Variants in RUNDC3B observed in about 807,000 individuals in gnomAD.
RUNDC3B encodes the protein RUN domain-containing protein 3B.
Under a neutral mutation model 58.4 loss-of-function variants are expected in RUNDC3B, and 33 were observed. The observed-to-expected ratio is 0.56, with a 90% CI of 0.43 to 0.75. The LOEUF (loss-of-function observed/expected upper bound fraction) is 0.75, where lower values mean the gene tolerates loss of function less well. RUNDC3B is among the 30% of genes least tolerant of loss of function. The pLI, the probability that RUNDC3B is intolerant of heterozygous loss-of-function variation, is 0.00. For missense variants in RUNDC3B, 501 were observed against 535.7 expected (o/e 0.94, Z 0.64); for synonymous variants, 193 against 195.2 (o/e 0.99, Z 0.10).
At chr7:87,729,524 A>G (rs1420384102) in intron 4 of RUNDC3B, among the ~76,000 whole-genome samples, 1 of 152,168 alleles carries the variant, frequency 6.6e-6, no homozygotes, top group Non-Finnish European at 1.5e-5. Flanking sequence ...GTGCCTACAG[A>G]GGGAGCTTCT....
chr7:87,732,597 T>C (rs574762934), intron 4 of RUNDC3B, among the ~76,000 whole-genome samples: 1 of 152,176 alleles, frequency 6.6e-6, no homozygotes, highest in South Asian at 2.1e-4. Context: ...GATCAGCAGA[T>C]TGAGAAATAA....
chr7:87,651,889 T>C (rs1321106797), intron 2 of RUNDC3B, among the ~76,000 whole-genome samples: 1 of 152,086 alleles, frequency 6.6e-6, no homozygotes, highest in Non-Finnish European at 1.5e-5. Context: ...TAAAACGGGG[T>C]TTGTAAAATT....
Position 87,776,574 on chromosome 7 carries a change from G to T in RUNDC3B, c.799-1224G>T, listed in dbSNP as rs111927054. On this transcript the variant is annotated intron_variant, in intron 7 of 10. Coordinates refer to ENST00000394654, the MANE Select transcript of RUNDC3B (RefSeq NM_001134405.2). ...CTTTGAAGAGGAGCAATCAAGGAAG[G>T]CATTATATTGACTTTTAAAGTATTG... Among the ~76,000 whole-genome samples, 463 of 151,956 alleles carry T rather than the reference G, an allele frequency of 3.0e-3. 3 individuals carry two copies. Among genetic ancestry groups the T allele is most frequent in the African/African-American group, 0.01 (434 of 41,498 alleles).
intron 1 of RUNDC3B, among the ~76,000 whole-genome samples, chr7:87,632,460 T>A (rs1203822622): frequency 6.6e-6 from 1 of 152,198 alleles, no homozygotes; most frequent in Non-Finnish European, 1.5e-5. Flanking sequence ...TTTCATCAGA[T>A]AAGTACTGTT....
At chr7:87,714,088 A>G (rs1278063658) in intron 4 of RUNDC3B, among the ~76,000 whole-genome samples, 2 of 152,238 alleles carry the variant, frequency 1.3e-5, no homozygotes, top group Non-Finnish European at 2.9e-5. Context: ...ATTACAGAAA[A>G]GTAGACAGAA....
chr7:87,668,942 G>A (rs1429204548), intron 2 of RUNDC3B, among the ~76,000 whole-genome samples: 2 of 152,108 alleles, frequency 1.3e-5, no homozygotes, highest in Admixed American at 1.3e-4. Context: ...GGAGAAGAAT[G>A]TATATTCTGG....
At chr7:87,784,241 T>TC (rs1197038612) in intron 8 of RUNDC3B, among the ~76,000 whole-genome samples, 1 of 152,254 alleles carries the variant, frequency 6.6e-6, no homozygotes, top group African/African-American at 2.4e-5. Flanking sequence ...TGGTTAGGAT[T>TC]CATTGCTGGG....
intron 2 of RUNDC3B, among the ~76,000 whole-genome samples, chr7:87,683,143 G>A (rs144490721): frequency 5.9e-5 from 9 of 152,188 alleles, no homozygotes; most frequent in South Asian, 2.1e-4. Flanking sequence ...CTTCTGCGGC[G>A]TCTTTGCCTC....
chr7:87,652,619 C>CATA (rs1170596138), intron 2 of RUNDC3B, among the ~76,000 whole-genome samples: 36 of 105,092 alleles, frequency 3.4e-4, no homozygotes, highest in Non-Finnish European at 4.8e-4. Flanking sequence ...CTTGTGGTCA[C>CATA]TGATATATAT....
Position 87,650,815 on chromosome 7 carries a change from T to C in RUNDC3B, c.123-7T>C, listed in dbSNP as rs772599655. ...GCCTAAAAGCAACAATAATCTTTTTTTCATAGGTTTTCTGTGAAGACCCTG... is the reference window on the plus strand; with the variant it reads ...GCCTAAAAGCAACAATAATCTTTTTCTCATAGGTTTTCTGTGAAGACCCTG... On this transcript the variant is annotated splice_region_variant and splice_polypyrimidine_tract_variant and intron_variant, in intron 1 of 10. Coordinates refer to ENST00000394654, the MANE Select transcript of RUNDC3B (RefSeq NM_001134405.2). 3.2e-6 allele frequency: 5 copies of C among 1,560,112 alleles called. No homozygotes were observed. In the South Asian group the frequency reaches 5.6e-5, roughly 17 times the overall value.
At chr7:87,735,740 T>C (rs1374126569) in intron 4 of RUNDC3B, among the ~76,000 whole-genome samples, 3 of 152,314 alleles carry the variant, frequency 2.0e-5, no homozygotes, top group African/African-American at 7.2e-5. Flanking sequence ...GAGAATGCCT[T>C]ACTTAATGAC....
intron 6 of RUNDC3B, among the ~76,000 whole-genome samples, chr7:87,747,613 G>T (rs889377891): frequency 2.6e-5 from 4 of 152,102 alleles, no homozygotes; most frequent in Non-Finnish European, 5.9e-5. Context: ...TGGGGGCAGG[G>T]CTAGGCGTGT....
chr7:87,722,871 A>G (rs1360654249), intron 4 of RUNDC3B, among the ~76,000 whole-genome samples: 1 of 152,172 alleles, frequency 6.6e-6, no homozygotes, highest in East Asian at 1.9e-4. Context: ...TGGAGAGTTA[A>G]AACTATTTCC....
chr7:87,822,444 T>G (rs1313089433), intron 10 of RUNDC3B, among the ~76,000 whole-genome samples: 1 of 152,234 alleles, frequency 6.6e-6, no homozygotes, highest in Non-Finnish European at 1.5e-5. Flanking sequence ...TTGGTGGAAC[T>G]GTAAACTAGT....
chr7:87,644,992 T>C (rs894023930), intron 1 of RUNDC3B, among the ~76,000 whole-genome samples: 2 of 151,972 alleles, frequency 1.3e-5, no homozygotes, highest in Non-Finnish European at 2.9e-5. Context: ...TTGGTAACCA[T>C]CTCATTTCTC....
chr7:87,776,501 G>A, intron 7 of RUNDC3B, among the ~76,000 whole-genome samples: 1 of 151,906 alleles, frequency 6.6e-6, no homozygotes. Context: ...TAGTAAAACT[G>A]GAAAGAAAAG....
chr7:87,670,267 C>T (rs1825691812), intron 2 of RUNDC3B, among the ~76,000 whole-genome samples: 1 of 152,194 alleles, frequency 6.6e-6, no homozygotes, highest in African/African-American at 2.4e-5. Context: ...CTTCTGCTGT[C>T]AATACTTGTA....
At chr7:87,741,650 G>T in intron 6 of RUNDC3B, 71 bp downstream of exon 6, 2 of 823,146 alleles carry the variant, frequency 2.4e-6, no homozygotes, top group South Asian at 3.3e-5. Context: ...ATGTTTGTCT[G>T]ATCAAAACTA....
intron 10 of RUNDC3B, among the ~76,000 whole-genome samples, chr7:87,822,388 A>C (rs1236637180): frequency 6.6e-6 from 1 of 152,222 alleles, no homozygotes; most frequent in East Asian, 1.9e-4. Context: ...TCAGGAAACA[A>C]CAGGTGCTGG....
Sources: gnomAD v4.1 joint callset for allele counts (sites outside exome capture counted in the v4.1 genomes callset) on GRCh38, gnomAD v4.1.1 for gene constraint, MANE v1.5 for transcripts, NCBI Gene and HGNC (gene_info 2026-07-23, HGNC 2026-07-21) for gene names.